Variants in MEOX2 observed in about 807,000 individuals in gnomAD.
MEOX2 encodes mesenchyme homeobox 2.
In MEOX2, 11 loss-of-function variants were observed where a neutral mutation model predicts 27.0. That is an observed-to-expected ratio of 0.41 (90% CI 0.26 to 0.68). The LOEUF is 0.68. Ranked by LOEUF, MEOX2 falls within the 30% of genes least tolerant of loss-of-function variation. The pLI is 0.33. For missense variants in MEOX2, 436 were observed against 385.4 expected (o/e 1.13, Z -1.10); for synonymous variants, 189 against 155.4 (o/e 1.22, Z -1.61).
intron 2 of MEOX2, among the ~76,000 whole-genome samples, chr7:15,622,331 A>C (rs1225008633): frequency 2.0e-5 from 3 of 152,132 alleles, no homozygotes; most frequent in African/African-American, 7.2e-5. Context: ...ACACACATAA[A>C]ATGAGCCTAT....
intron 1 of MEOX2, among the ~76,000 whole-genome samples, chr7:15,629,977 A>G (rs1197936156): frequency 1.3e-5 from 2 of 151,928 alleles, no homozygotes; most frequent in African/African-American, 4.8e-5. Flanking sequence ...CCCATATCCT[A>G]TGCCAAATGG....
Position 15,626,875 on chromosome 7 carries a change from G to A in MEOX2, c.561C>T (p.Pro187=), listed in dbSNP as rs754001486. The stretch of plus-strand genomic sequence containing the variant: ...TGGTAAATGCTGTCCTTTCTTTCCT[G>A]GGTTTGCTGTTGACTTCTGACTTGT... ...GNYKSEVNSK[P]RKERTAFTKE... Residue 187 remains proline, a synonymous_variant, in exon 2 of 3, where the codon CCC becomes CCT. Coordinates refer to ENST00000262041, the MANE Select transcript of MEOX2 (RefSeq NM_005924.5). 1.2e-6 allele frequency: 2 copies of A among 1,611,620 alleles called. No homozygotes were observed. The highest frequency in any genetic ancestry group is 1.7e-6 in the Non-Finnish European group (2 of 1,179,182).
intron 1 of MEOX2, among the ~76,000 whole-genome samples, chr7:15,682,534 G>A (rs73060529): frequency 0.27 from 40,993 of 151,488 alleles, 6,439 homozygotes; most frequent in Admixed American, 0.35. Context: ...TCCCCAAATC[G>A]CTCTTTTCTT....
At chr7:15,644,818 G>T (rs377551965) in intron 1 of MEOX2, among the ~76,000 whole-genome samples, 1 of 152,148 alleles carries the variant, frequency 6.6e-6, no homozygotes, top group African/African-American at 2.4e-5. Context: ...TGTACAATTT[G>T]CCACTTCCCA....
At chr7:15,652,994 A>G (rs1488017247) in intron 1 of MEOX2, among the ~76,000 whole-genome samples, 1 of 152,048 alleles carries the variant, frequency 6.6e-6, no homozygotes, top group Non-Finnish European at 1.5e-5. Context: ...TAAATACTCA[A>G]AAGTGCAACT....
At position 15,685,913 on chromosome 7, in the gene MEOX2, C is replaced by A; in HGVS notation, c.490G>T (p.Gly164Cys). ...GAGCTGTCGCTTTTCCTCTTGCCGC[C>A]GCTTCGCTTCTCCGCCTCCGCAGGT... Reference protein sequence around the residue: ...LSPAEAEKRSGGKRKSDSSDS... With the variant: ...LSPAEAEKRSCGKRKSDSSDS... Residue 164 changes from glycine to cysteine, a missense_variant, in exon 1 of 3, where the codon GGC (glycine) becomes TGC (cysteine). Transcript: ENST00000262041. The A allele has an allele frequency of 6.2e-7, 1 of 1,607,666 alleles. No individual in the cohort carries two copies. The highest frequency in any genetic ancestry group is 1.1e-5 in the South Asian group (1 of 90,530).
chr7:15,655,973 C>A (rs531007766), intron 1 of MEOX2, among the ~76,000 whole-genome samples: 1 of 151,802 alleles, frequency 6.6e-6, no homozygotes, highest in South Asian at 2.1e-4. Flanking sequence ...TAATAATGGG[C>A]TTATCAATTT....
At position 15,626,787 on chromosome 7, in the gene MEOX2, G is replaced by T; in HGVS notation, c.649C>A (p.Arg217=). Residue 217 remains arginine (R), a synonymous_variant, in exon 2 of 3, where the codon CGA becomes AGA. Coordinates refer to ENST00000262041, the MANE Select transcript of MEOX2 (RefSeq NM_005924.5). Reference sequence around the variant, plus strand: ...TCCAGATTCACTGCTATCTCGTATCGCCTCAGTCTGGTGAGATAATTATGA... The same window carrying T: ...TCCAGATTCACTGCTATCTCGTATCTCCTCAGTCTGGTGAGATAATTATGA... ...AHHNYLTRLR[R]YEIAVNLDLT... is the part of the protein sequence containing the mutation. The T allele has an allele frequency of 1.2e-6, 2 of 1,606,924 alleles. No individual in the cohort carries two copies.
At chr7:15,648,062 G>C (rs1399264718) in intron 1 of MEOX2, among the ~76,000 whole-genome samples, 2 of 152,000 alleles carry the variant, frequency 1.3e-5, no homozygotes, top group Non-Finnish European at 2.9e-5. Flanking sequence ...TCAGGCTAGA[G>C]ATAGTCCCAT....
chr7:15,684,262 G>C (rs1782339965), intron 1 of MEOX2, among the ~76,000 whole-genome samples: 1 of 152,162 alleles, frequency 6.6e-6, no homozygotes, highest in South Asian at 2.1e-4. Context: ...ACTGGGATCT[G>C]CTTCCAAAGT....
At chr7:15,646,269 C>T (rs1341486645) in intron 1 of MEOX2, among the ~76,000 whole-genome samples, 2 of 151,984 alleles carry the variant, frequency 1.3e-5, no homozygotes, top group African/African-American at 4.8e-5. Context: ...CATAAATAAA[C>T]ATAAATTTTC....
chr7:15,637,658 G>A (rs373533740), intron 1 of MEOX2, among the ~76,000 whole-genome samples: 1 of 151,986 alleles, frequency 6.6e-6, no homozygotes, highest in East Asian at 1.9e-4. Context: ...CAGAATTGTA[G>A]TTATAATTAT....
At chr7:15,659,525 C>T (rs1218459652) in intron 1 of MEOX2, among the ~76,000 whole-genome samples, 2 of 152,050 alleles carry the variant, frequency 1.3e-5, no homozygotes, top group African/African-American at 4.8e-5. Flanking sequence ...CTTTGGGAGG[C>T]TGAGGCGGGT....
intron 2 of MEOX2, among the ~76,000 whole-genome samples, chr7:15,623,385 T>A (rs10231999): frequency 0.67 from 101,256 of 151,864 alleles, 34,018 homozygotes; most frequent in East Asian, 0.81. Flanking sequence ...TGATTTTTTT[T>A]TATATACAGA....
chr7:15,659,968 G>A (rs773541255), intron 1 of MEOX2, among the ~76,000 whole-genome samples: 30 of 152,248 alleles, frequency 2.0e-4, no homozygotes, highest in Middle Eastern at 3.4e-3. Flanking sequence ...TTAGGAGACA[G>A]AAGTTAATAA....
At position 15,656,612 on chromosome 7, in the gene MEOX2, T is replaced by C. The variant is rs535758117; in HGVS notation, c.517+29274A>G. Among the ~76,000 whole-genome samples, 14 of 152,018 alleles carry C rather than the reference T, an allele frequency of 9.2e-5. No homozygotes were observed. In the South Asian group the frequency reaches 2.9e-3, roughly 32 times the overall value. On this transcript the variant is annotated intron_variant, in intron 1 of 2. Coordinates refer to ENST00000262041, the MANE Select transcript of MEOX2 (RefSeq NM_005924.5). The stretch of plus-strand genomic sequence containing the variant: ...AGTGTAGAAACCTGACCTCCCTTTA[T>C]TCCTCTTTAACCTCCCCTATTTATA...
chr7:15,654,495 A>C (rs571315569), intron 1 of MEOX2, among the ~76,000 whole-genome samples: 1 of 151,878 alleles, frequency 6.6e-6, no homozygotes, highest in South Asian at 2.1e-4. Flanking sequence ...TTAAGGGTAA[A>C]ACATTCAGTC....
At chr7:15,650,708 G>A (rs971035678) in intron 1 of MEOX2, among the ~76,000 whole-genome samples, 4 of 151,876 alleles carry the variant, frequency 2.6e-5, no homozygotes, top group Admixed American at 2.6e-4. Context: ...AGTTTTTTTG[G>A]GGGGGAGACT....
intron 2 of MEOX2, among the ~76,000 whole-genome samples, chr7:15,614,291 G>A (rs1781087038): frequency 6.6e-6 from 1 of 151,956 alleles, no homozygotes; most frequent in South Asian, 2.1e-4. Flanking sequence ...CATAGTGCCT[G>A]TAGTCCCAGC....
Sources: gnomAD v4.1 joint callset for allele counts (sites outside exome capture counted in the v4.1 genomes callset) on GRCh38, gnomAD v4.1.1 for gene constraint, MANE v1.5 for transcripts, NCBI Gene and HGNC (gene_info 2026-07-23, HGNC 2026-07-21) for gene names.